Variants in TRIM9 observed in about 807,000 individuals in gnomAD.
TRIM9 encodes E3 ubiquitin-protein ligase TRIM9.
A neutral mutation model predicts 78.3 loss-of-function variants in TRIM9; 26 were observed. The ratio of observed to expected loss-of-function variants is 0.33; its 90% CI spans 0.24 to 0.46. The LOEUF is 0.46. TRIM9 is among the 20% of genes least tolerant of loss of function. TRIM9 has a pLI of 1.00. For synonymous variants in TRIM9, 398 were observed against 416.5 expected (o/e 0.96, Z 0.54); for missense variants, 787 against 1,036.4 (o/e 0.76, Z 3.30).
At chr14:51,025,056 T>C (rs1413903691) in intron 2 of TRIM9, among the ~76,000 whole-genome samples, 1 of 152,196 alleles carries the variant, frequency 6.6e-6, no homozygotes, top group African/African-American at 2.4e-5. Flanking sequence ...AATCAGGCTG[T>C]GTTTCCGGCT....
At chr14:51,009,274 C>A in intron 4 of TRIM9, 41 bp from the exon 5 acceptor site, 1 of 1,610,114 alleles carries the variant, frequency 6.2e-7, no homozygotes, top group South Asian at 1.1e-5. Flanking sequence ...AAATACACCA[C>A]CACACTTGAA....
At chr14:51,079,312 TCTGACCTA>T (rs761459460) in intron 1 of TRIM9, among the ~76,000 whole-genome samples, 9 of 152,208 alleles carry the variant, frequency 5.9e-5, no homozygotes, top group Non-Finnish European at 1.0e-4. Context: ...AGTAATAATC[TCTGACCTA>T]CTAATTCACT....
intron 1 of TRIM9, among the ~76,000 whole-genome samples, chr14:51,079,022 ATTTAT>A (rs1259608087): frequency 1.3e-5 from 2 of 152,208 alleles, no homozygotes; most frequent in African/African-American, 4.8e-5. Context: ...GCACAATACA[ATTTAT>A]TTTAAAGTAA....
chr14:51,029,824 C>T (rs182553780), intron 1 of TRIM9, among the ~76,000 whole-genome samples: 4 of 152,254 alleles, frequency 2.6e-5, no homozygotes, highest in African/African-American at 9.6e-5. Flanking sequence ...GAACACAAAC[C>T]CTCATCTGAT....
chr14:51,054,344 C>T (rs1596278637), intron 1 of TRIM9, among the ~76,000 whole-genome samples: 1 of 152,160 alleles, frequency 6.6e-6, no homozygotes, highest in African/African-American at 2.4e-5. Context: ...TCCATCTTGG[C>T]TCACTGCAAT....
At chr14:50,980,497 G>T (rs970012862) in intron 11 of TRIM9, among the ~76,000 whole-genome samples, 1 of 152,150 alleles carries the variant, frequency 6.6e-6, no homozygotes, top group East Asian at 1.9e-4. Flanking sequence ...TTTACAAATT[G>T]CCTCTTGCTA....
In TRIM9 at chr14:51,054,445, G is replaced by C. The variant is rs1362460758; in HGVS notation, c.823-29085C>G. Among the ~76,000 whole-genome samples, 4 of 51,396 alleles carry C rather than the reference G, an allele frequency of 7.8e-5. No homozygotes were observed. The East Asian group carries it at 1.6e-3, about 21-fold the overall frequency. The allele number at this position is 51,396 out of a possible 152,430, so 33.7% of individuals were successfully genotyped here. A position where few individuals can be genotyped will look rare whatever the true frequency, so the allele number is the denominator to read the frequency against. ...AGGCCACCATGCCCAGCTGTTTTTTGTATTTTTTTTGTTAGAGATGGGGTG... is the reference window on the plus strand; with the variant it reads ...AGGCCACCATGCCCAGCTGTTTTTTCTATTTTTTTTGTTAGAGATGGGGTG... On this transcript the variant is annotated intron_variant, in intron 1 of 12. Transcript: ENST00000684578.
intron 1 of TRIM9, among the ~76,000 whole-genome samples, chr14:51,076,632 A>G (rs1027938812): frequency 3.3e-5 from 5 of 152,218 alleles, no homozygotes; most frequent in African/African-American, 1.2e-4. Context: ...GCCATTTAAC[A>G]TGTGCCAAAA....
At chr14:50,983,157 T>C (rs1350743169) in intron 9 of TRIM9, among the ~76,000 whole-genome samples, 192 bp from the exon 10 acceptor site, 2 of 152,216 alleles carry the variant, frequency 1.3e-5, no homozygotes, top group Non-Finnish European at 2.9e-5. Flanking sequence ...TGCTTTGCAC[T>C]GATGTAAAAG....
intron 1 of TRIM9, chr14:51,091,246 G>A (rs2064288531): frequency 6.6e-6 from 1 of 152,118 alleles, no homozygotes; most frequent in Admixed American, 6.5e-5. Context: ...TCAACCAGAT[G>A]TTTTTAATAC....
At chr14:51,027,909 T>C (rs531099469) in intron 1 of TRIM9, among the ~76,000 whole-genome samples, 9 of 152,312 alleles carry the variant, frequency 5.9e-5, no homozygotes, top group African/African-American at 1.9e-4. Flanking sequence ...TTATAACCTA[T>C]GTTTAGTAAC....
At chr14:50,995,098 C>T (rs529713384) in intron 7 of TRIM9, among the ~76,000 whole-genome samples, 60 of 152,142 alleles carry the variant, frequency 3.9e-4, no homozygotes, top group African/African-American at 1.4e-3. Flanking sequence ...AGGATCCTCC[C>T]GTCTCAACCT....
At chr14:50,983,352 A>T in intron 9 of TRIM9, 28 bp downstream of exon 9, 2 of 1,513,092 alleles carry the variant, frequency 1.3e-6, no homozygotes, top group Non-Finnish European at 1.8e-6. Context: ...TCACGTAAGT[A>T]AAAGATAATT....
At chr14:50,984,158 A>G (rs1052679437) in intron 8 of TRIM9, among the ~76,000 whole-genome samples, 2 of 152,214 alleles carry the variant, frequency 1.3e-5, no homozygotes, top group Non-Finnish European at 2.9e-5. Context: ...AAAATGTTCA[A>G]AAGTGTGTGA....
At chr14:51,080,627 G>C (rs911761621) in intron 1 of TRIM9, among the ~76,000 whole-genome samples, 3 of 152,184 alleles carry the variant, frequency 2.0e-5, no homozygotes, top group African/African-American at 7.2e-5. Context: ...TTGAGCAAAT[G>C]ATCTTCAAGA....
intron 1 of TRIM9, among the ~76,000 whole-genome samples, chr14:51,028,680 G>A (rs882413): frequency 0.8 from 121,022 of 152,180 alleles, 48,510 homozygotes; most frequent in South Asian, 0.84. Flanking sequence ...AGTGACATTC[G>A]GATTTCTTGG....
At chr14:51,081,755 T>G (rs1262051679) in intron 1 of TRIM9, among the ~76,000 whole-genome samples, 1 of 152,164 alleles carries the variant, frequency 6.6e-6, no homozygotes, top group East Asian at 1.9e-4. Flanking sequence ...AGGAGAACAC[T>G]TTACTTATAT....
intron 1 of TRIM9, among the ~76,000 whole-genome samples, chr14:51,048,623 T>G (rs1178643799): frequency 6.6e-6 from 1 of 151,976 alleles, no homozygotes; most frequent in African/African-American, 2.4e-5. Flanking sequence ...GGTGTGTGTC[T>G]AGGGTGTCGT....
intron 1 of TRIM9, among the ~76,000 whole-genome samples, chr14:51,053,557 A>T (rs199949161): frequency 0.089 from 5,458 of 61,494 alleles, 138 homozygotes; most frequent in Middle Eastern, 0.16. Context: ...TTATTTATTT[A>T]TTTTTTTTTA....
Sources: allele counts gnomAD v4.1 joint callset (sites outside exome capture counted in the v4.1 genomes callset), GRCh38; gene constraint gnomAD v4.1.1; transcripts MANE v1.5; gene names NCBI Gene and HGNC (gene_info 2026-07-23, HGNC 2026-07-21).